PRPF18: variants seen among roughly 807,000 people sequenced by gnomAD.
PRPF18 encodes pre-mRNA processing factor 18, also known as pre-mRNA-splicing factor 18.
Under a neutral mutation model 46.5 loss-of-function variants are expected in PRPF18, and 38 were observed. The observed-to-expected ratio is 0.82, with a 90% CI of 0.63 to 1.07. PRPF18 has a LOEUF of 1.07. Ranked by LOEUF, PRPF18 falls within the 50% of genes least tolerant of loss-of-function variation. The pLI is 0.00. For missense variants in PRPF18, 263 were observed against 410.0 expected (o/e 0.64, Z 3.10); for synonymous variants, 152 against 146.7 (o/e 1.04, Z -0.26).
At chr10:13,647,696 T>C in the PRPF18 span, 2 of 149,814 alleles carry the variant, frequency 1.3e-5, no homozygotes, top group South Asian at 4.2e-4. Context: ...AGTGTGTTCA[T>C]TTAAAATAGG....
chr10:13,601,109 T>A (rs1378449899), intron 3 of PRPF18, among the ~76,000 whole-genome samples: 1 of 152,232 alleles, frequency 6.6e-6, no homozygotes, highest in African/African-American at 2.4e-5. Flanking sequence ...AATCATTTAT[T>A]GATGATCATT....
At chr10:13,652,163 AGTTT>A in the PRPF18 span, 1 of 605,762 alleles carries the variant, frequency 1.7e-6, no homozygotes, top group Non-Finnish European at 3.0e-6. Flanking sequence ...CAAAATACCT[AGTTT>A]GTTAGGAGGG....
intron 1 of PRPF18, among the ~76,000 whole-genome samples, chr10:13,587,956 A>G (rs898539677): frequency 7.2e-5 from 11 of 152,128 alleles, no homozygotes; most frequent in Non-Finnish European, 7.3e-5. Flanking sequence ...GAATTGCAGG[A>G]AAACCCGAGG....
In PRPF18 at chr10:13,600,322, T is replaced by C. The variant is rs756299720; in HGVS notation, c.223T>C (p.Leu75=). ...AGAACTTGAACTGGCAGAGGAAAAA[T>C]TACCTATGACGCTTTCTAGGCAAGA... ...VLELELAEEK[L]PMTLSRQEVI... The change falls in exon 3 of 10, where the codon TTA becomes CTA. Residue 75 remains leucine, a synonymous_variant. Transcript: ENST00000378572. 5.0e-6 allele frequency: 8 copies of C among 1,611,968 alleles called. No homozygotes were observed. The Admixed American group carries it at 1.2e-4, about 24-fold the overall frequency.
At chr10:13,605,323 C>T (rs913555690) in intron 3 of PRPF18, among the ~76,000 whole-genome samples, 8 of 152,222 alleles carry the variant, frequency 5.3e-5, no homozygotes, top group African/African-American at 1.9e-4. Flanking sequence ...TTAGCTCACG[C>T]CTGTAATCCC....
intron 2 of PRPF18, chr10:13,597,743 G>A (rs1236359866): frequency 1.5e-6 from 2 of 1,343,692 alleles, no homozygotes. Flanking sequence ...CTTTTGGCTT[G>A]GAATGGTTTG....
At chr10:13,645,382 T>C in the PRPF18 span, 1 of 136,138 alleles carries the variant, frequency 7.3e-6, no homozygotes, top group Non-Finnish European at 1.5e-5. Context: ...CCCCACCACT[T>C]GCGCCAAAAG....
chr10:13,642,364 G>T, the PRPF18 span: 2 of 152,318 alleles, frequency 1.3e-5, no homozygotes, highest in African/African-American at 4.8e-5. Flanking sequence ...CTGCCTGCTG[G>T]CCCTCATCAG....
In PRPF18 at chr10:13,587,145, T is replaced by G. The variant is rs2079884187; in HGVS notation, c.59T>G (p.Leu20Arg). 1.2e-6 allele frequency: 2 copies of G among 1,613,432 alleles called. No individual in the cohort carries two copies. The highest frequency in any genetic ancestry group is 1.7e-6 in the Non-Finnish European group (2 of 1,179,444). The change falls in exon 1 of 10, where the codon CTG becomes CGG. Residue 20 changes from leucine to arginine, a missense_variant. Physicochemically the swap from Leu to Arg is moderately radical, Grantham distance 102. Transcript: ENST00000378572. ...RKRQLVEDRN[L>R]LVENKKYFKR... Reference sequence around the variant, plus strand: ...CGGCAGCTGGTGGAGGACAGGAACCTGCTGGTGGTGAGGACCCTGCGGTCG... The same window carrying G: ...CGGCAGCTGGTGGAGGACAGGAACCGGCTGGTGGTGAGGACCCTGCGGTCG...
intron 2 of PRPF18, 109 bp downstream of exon 2, chr10:13,597,644 G>A: frequency 1.2e-6 from 2 of 1,604,080 alleles, no homozygotes; most frequent in Non-Finnish European, 1.7e-6. Flanking sequence ...ATATACGTTA[G>A]CCTATAAATG....
rs1489443014 is a variant in PRPF18 at position 13,587,004 on chromosome 10, C to T, written c.-83C>T. ...GTTTGGGCTTGTTGTTCCGTATACT[C>T]AGTGGGTTCGCGGCCGCCGGCCCAG... On this transcript the variant is annotated 5_prime_UTR_variant, in exon 1 of 10. Coordinates refer to ENST00000378572, the MANE Select transcript of PRPF18 (RefSeq NM_003675.4). The T allele has an allele frequency of 1.4e-6, 2 of 1,385,350 alleles. No individual in the cohort carries two copies. Among genetic ancestry groups the T allele is most frequent in the Admixed American group, 1.7e-5 (1 of 59,690 alleles). 85.8% of individuals were successfully genotyped at this position (1,385,350 alleles called of 1,614,324 possible). A position where few individuals can be genotyped will look rare whatever the true frequency, so the allele number is the denominator to read the frequency against.
intron 1 of PRPF18, among the ~76,000 whole-genome samples, chr10:13,587,722 C>G (rs1415588345): frequency 6.6e-6 from 1 of 152,250 alleles, no homozygotes; most frequent in Non-Finnish European, 1.5e-5. Flanking sequence ...ACCCGGAAAA[C>G]TTTGTAACCG....
the PRPF18 span, chr10:13,648,862 T>C: frequency 6.6e-6 from 1 of 152,124 alleles, no homozygotes; most frequent in Non-Finnish European, 1.5e-5. Flanking sequence ...AGGGGTTTCA[T>C]GAGATCTTAG....
chr10:13,613,931 A>C, intron 7 of PRPF18, 50 bp downstream of exon 7: 1 of 1,578,416 alleles, frequency 6.3e-7, no homozygotes, highest in South Asian at 1.2e-5. Flanking sequence ...AAAATACAGT[A>C]TAAATTTAGA....
intron 9 of PRPF18, among the ~76,000 whole-genome samples, chr10:13,621,682 G>A (rs3829208): frequency 0.24 from 35,752 of 152,082 alleles, 4,642 homozygotes; most frequent in East Asian, 0.56. Context: ...GAATTGATCT[G>A]TGCACTGTGT....
the PRPF18 span, chr10:13,644,016 C>G: frequency 2.0e-5 from 3 of 152,566 alleles, no homozygotes; most frequent in Non-Finnish European, 2.9e-5. Flanking sequence ...AAACTTTACA[C>G]CTAGTTAACT....
intron 6 of PRPF18, among the ~76,000 whole-genome samples, chr10:13,613,356 T>G (rs2080298596): frequency 6.6e-6 from 1 of 152,242 alleles, no homozygotes; most frequent in African/African-American, 2.4e-5. Context: ...TTAATCATGG[T>G]CTCTACAGCA....
the PRPF18 span, chr10:13,647,767 T>C: frequency 2.7e-5 from 4 of 149,554 alleles, no homozygotes; most frequent in Non-Finnish European, 4.4e-5. Flanking sequence ...TAGGGAGGTA[T>C]CACCATTTAG....
At chr10:13,632,331 ACT>A (rs1001300996), downstream of PRPF18, among the ~76,000 whole-genome samples, 16 of 151,754 alleles carry the variant, frequency 1.1e-4, no homozygotes, top group African/African-American at 3.6e-4. Context: ...ACAGAGTGAG[ACT>A]CTGTCCCCTC....
Sources: allele counts gnomAD v4.1 joint callset (sites outside exome capture counted in the v4.1 genomes callset), GRCh38; gene constraint gnomAD v4.1.1; transcripts MANE v1.5; gene names NCBI Gene and HGNC (gene_info 2026-07-23, HGNC 2026-07-21).